CFAP47: variants seen among roughly 807,000 people sequenced by gnomAD.
CFAP47 encodes cilia- and flagella-associated protein 47.
CFAP47 carries 29 observed loss-of-function variants against 148.1 expected under a neutral mutation model. The ratio of observed to expected loss-of-function variants is 0.20; its 90% CI spans 0.15 to 0.27. The LOEUF (loss-of-function observed/expected upper bound fraction) is 0.27. Ranked by LOEUF, CFAP47 falls within the 10% of genes least tolerant of loss-of-function variation. CFAP47 has a pLI of 1.00. For synonymous variants in CFAP47, 664 were observed against 577.3 expected, an observed-to-expected ratio of 1.15 and a Z score of -2.15; for missense variants, 1,872 against 1,697.5, an observed-to-expected ratio of 1.10 and a Z score of -1.81.
chrX:35,999,408 C>A lies in CFAP47; in HGVS notation c.3178-875C>A, dbSNP rs147650075. 5.3e-3 allele frequency among the ~76,000 whole-genome samples: 598 copies of A among 111,876 alleles called. 6 individuals carry two copies. The highest frequency in any genetic ancestry group is 0.019 in the African/African-American group (573 of 30,847). ...ATTCTAAAGAGTTTTGTGATATAAG[C>A]ACATGCCTTGTGTGTGAGCTACAGC... On this transcript the variant is annotated intron_variant, in intron 19 of 63. Transcript: ENST00000378653.
intron 48 of CFAP47, 122 bp from the exon 49 acceptor site, chrX:36,251,211 G>T: frequency 7.0e-6 from 2 of 283,939 alleles, no homozygotes; most frequent in Non-Finnish European, 1.2e-5. Context: ...TTTTATTGGG[G>T]GTATTTAAAT....
intron 26 of CFAP47, among the ~76,000 whole-genome samples, chrX:36,058,625 G>A (rs1937572100): frequency 9.0e-6 from 1 of 111,712 alleles, no homozygotes; most frequent in Non-Finnish European, 1.9e-5. Flanking sequence ...ATCCAATGGG[G>A]ACATTATAAA....
chrX:35,921,302 T>G (rs888758911), intron 1 of CFAP47, among the ~76,000 whole-genome samples: 4 of 112,297 alleles, frequency 3.6e-5, no homozygotes, highest in Non-Finnish European at 7.5e-5. Flanking sequence ...TTTTCATATT[T>G]AAATATTTTT....
Position 36,179,572 on chromosome X carries a change from TTA to T in CFAP47, c.6104+154_6104+155del, listed in dbSNP as rs1363324536. 1.5e-5 allele frequency: 4 copies of T among 259,723 alleles called. No individual in the cohort carries two copies. In the East Asian group the frequency reaches 2.2e-4, roughly 14 times the overall value. 21.4% of individuals were successfully genotyped at this position (259,723 alleles called of 1,213,427 possible). ...TTCACACTCATATCCAAATATATAT[TTA>T]TATGTTACTAGATTCATGTGCATAA... On this transcript the variant is annotated intron_variant, in intron 40 of 63. Transcript: ENST00000378653.
At chrX:36,208,794 C>T (rs1470466727) in intron 45 of CFAP47, among the ~76,000 whole-genome samples, 1 of 110,182 alleles carries the variant, frequency 9.1e-6, no homozygotes, top group Non-Finnish European at 1.9e-5. Context: ...GGTGAAACCC[C>T]GTCTCTACTA....
chrX:36,260,479 T>A (rs1569302114), intron 49 of CFAP47, among the ~76,000 whole-genome samples: 1 of 112,275 alleles, frequency 8.9e-6, no homozygotes, highest in South Asian at 3.7e-4. Context: ...AATATTTAGT[T>A]ATGATCAGCA....
At chrX:35,991,028 C>A (rs1272795285) in intron 16 of CFAP47, among the ~76,000 whole-genome samples, 1 of 111,602 alleles carries the variant, frequency 9.0e-6, no homozygotes, top group Non-Finnish European at 1.9e-5. Context: ...AAGATTGACA[C>A]ATTAAAAACT....
rs1941325512 is a variant in CFAP47 at position 36,304,102 on chromosome X, C to T, written c.8082+142C>T. 1.7e-5 allele frequency: 6 copies of T among 352,441 alleles called. No individual in the cohort carries two copies. The South Asian group carries it at 2.8e-4, about 16-fold the overall frequency. 29.0% of individuals were successfully genotyped at this position (352,441 alleles called of 1,213,427 possible). ...AAATTTAAGAATTGAATTTTATAGGCCCAGCGGGGTGGCTCATGCCTGTAA... is the reference window on the plus strand; with the variant it reads ...AAATTTAAGAATTGAATTTTATAGGTCCAGCGGGGTGGCTCATGCCTGTAA... On this transcript the variant is annotated intron_variant, in intron 54 of 63. Transcript: ENST00000378653.
At chrX:36,240,819 T>C (rs1057290400) in intron 48 of CFAP47, among the ~76,000 whole-genome samples, 2 of 111,943 alleles carry the variant, frequency 1.8e-5, no homozygotes, top group East Asian at 5.6e-4. Flanking sequence ...TATAGGTGAA[T>C]AGAATATACA....
intron 39 of CFAP47, among the ~76,000 whole-genome samples, chrX:36,176,053 A>T (rs910056343): frequency 8.9e-6 from 1 of 112,164 alleles, no homozygotes; most frequent in Non-Finnish European, 1.9e-5. Flanking sequence ...GGTGGGAGTG[A>T]CCCGATTTTC....
rs766670286 is a variant in CFAP47, at chrX:35,975,377, T to G, written c.2471+14T>G. 2 of 1,038,206 alleles carry G rather than the reference T, an allele frequency of 1.9e-6. 1 individual carries two copies. The highest frequency in any genetic ancestry group is 5.2e-4 in the Middle Eastern group (2 of 3,882). The allele number at this position is 1,038,206 out of a possible 1,213,427, so 85.6% of individuals were successfully genotyped here. On this transcript the variant is annotated intron_variant, in intron 14 of 63. Coordinates refer to ENST00000378653, the MANE Select transcript of CFAP47 (RefSeq NM_001304548.2). ...AAAATTTTGGAAGTAGGGATTATTT[T>G]TGAATTTCTGCTTGTTAGAATCAAA...
At chrX:36,366,190 G>A (rs782698465) in intron 61 of CFAP47, among the ~76,000 whole-genome samples, 11 of 111,411 alleles carry the variant, frequency 9.9e-5, no homozygotes, top group Non-Finnish European at 1.7e-4. Flanking sequence ...TTAAGTAAGC[G>A]GTATGAGATT....
At chrX:36,010,093 A>G (rs1455367685) in intron 21 of CFAP47, among the ~76,000 whole-genome samples, 1 of 111,917 alleles carries the variant, frequency 8.9e-6, no homozygotes, top group Non-Finnish European at 1.9e-5. Flanking sequence ...AAAAAAAATC[A>G]ACACAAAGTT....
At chrX:36,185,067 C>G (rs1017060456) in intron 40 of CFAP47, among the ~76,000 whole-genome samples, 1 of 111,116 alleles carries the variant, frequency 9.0e-6, no homozygotes, top group Non-Finnish European at 1.9e-5. Flanking sequence ...TAAAAAAATA[C>G]TATCGATTGA....
chrX:36,104,348 T>C (rs1031892951), intron 32 of CFAP47, 151 bp from the exon 33 acceptor site: 1 of 318,303 alleles, frequency 3.1e-6, no homozygotes, highest in Non-Finnish European at 5.7e-6. Context: ...ACACATCTGT[T>C]CTACTCTTTT....
At chrX:36,289,581 T>C (rs1317382478) in intron 51 of CFAP47, among the ~76,000 whole-genome samples, 1 of 111,812 alleles carries the variant, frequency 8.9e-6, no homozygotes, top group Non-Finnish European at 1.9e-5. Context: ...AAAAATATTC[T>C]ATAAAAGTTA....
chrX:35,975,167 G>A lies in CFAP47; in HGVS notation c.2275G>A (p.Gly759Ser). ...TTCAGGGCCTTCTGTCCTTAACTTT[G>A]GTAATATTTGTGTGAACTCTCCAAA... ...VIVGPSVLNF[G>S]NICVNSPNTH... Residue 759 changes from glycine to serine, a missense_variant, in exon 14 of 64, where the codon GGT becomes AGT. Transcript: ENST00000378653. 1.7e-6 allele frequency: 2 copies of A among 1,168,712 alleles called. No homozygotes were observed. The highest frequency in any genetic ancestry group is 3.9e-5 in the South Asian group (2 of 51,171).
intron 51 of CFAP47, among the ~76,000 whole-genome samples, chrX:36,294,175 T>C (rs782283679): frequency 1.8e-5 from 2 of 111,001 alleles, no homozygotes; most frequent in African/African-American, 6.5e-5. Context: ...AAGTGGGTAT[T>C]GTTCTTCTAC....
chrX:36,051,234 A>G (rs1401222897), intron 26 of CFAP47, among the ~76,000 whole-genome samples: 1 of 110,894 alleles, frequency 9.0e-6, no homozygotes, highest in Admixed American at 9.6e-5. Flanking sequence ...CAGATCCACC[A>G]TCCTCCAGAC....
Sources: gnomAD v4.1 joint callset for allele counts (sites outside exome capture counted in the v4.1 genomes callset) on GRCh38, gnomAD v4.1.1 for gene constraint, MANE v1.5 for transcripts, NCBI Gene and HGNC (gene_info 2026-07-23, HGNC 2026-07-21) for gene names.